The following DAB1 variants were observed in gnomAD, a reference collection of about 807,000 sequenced individuals.
DAB1 encodes DAB adaptor protein 1.
A neutral mutation model predicts 64.6 loss-of-function variants in DAB1; 15 were observed. That is an observed-to-expected ratio of 0.23 (90% CI 0.16 to 0.36). The LOEUF (loss-of-function observed/expected upper bound fraction) is 0.36, where lower values mean the gene tolerates loss of function less well. Among genes scored for constraint, DAB1 ranks in the 10% least tolerant of loss-of-function variants. The pLI, the probability that DAB1 is intolerant of heterozygous loss-of-function variation, is 1.00. For synonymous variants in DAB1, 235 were observed against 251.9 expected (o/e 0.93, Z 0.64); for missense variants, 596 against 706.7 (o/e 0.84, Z 1.78).
At chr1:57,519,389 C>T (rs946516552) in intron 7 of DAB1, among the ~76,000 whole-genome samples, 1 of 152,204 alleles carries the variant, frequency 6.6e-6, no homozygotes, top group African/African-American at 2.4e-5. Flanking sequence ...CACCACTGTG[C>T]TGCTGCTGCT....
chr1:58,412,289 G>T (rs1049974136), intron 3 of DAB1, among the ~76,000 whole-genome samples: 7 of 150,968 alleles, frequency 4.6e-5, no homozygotes, highest in Admixed American at 6.6e-5. Context: ...TCTCACCTGA[G>T]CTCCTGGATG....
At chr1:57,848,252 T>C (rs1481266160) in intron 1 of DAB1, among the ~76,000 whole-genome samples, 2 of 152,194 alleles carry the variant, frequency 1.3e-5, no homozygotes, top group African/African-American at 2.4e-5. Flanking sequence ...CCGAACACAA[T>C]GTAGTGAATC....
intron 7 of DAB1, among the ~76,000 whole-genome samples, chr1:57,450,097 C>A (rs562556615): frequency 6.6e-6 from 1 of 152,194 alleles, no homozygotes; most frequent in Non-Finnish European, 1.5e-5. Context: ...ACTGTTAAAG[C>A]TATTTATGCT....
intron 12 of DAB1, 38 bp from the exon 13 acceptor site, chr1:57,011,310 C>G: frequency 6.2e-7 from 1 of 1,602,428 alleles, no homozygotes; most frequent in Non-Finnish European, 8.5e-7. Flanking sequence ...ATCTTAAGTG[C>G]CTGGCTGCCA....
chr1:58,478,769 G>T (rs1000306030), intron 3 of DAB1, among the ~76,000 whole-genome samples: 2 of 152,072 alleles, frequency 1.3e-5, no homozygotes, highest in African/African-American at 4.8e-5. Flanking sequence ...AGAAAAGATC[G>T]GGTTGAGTTT....
At chr1:57,216,213 T>C (rs1666417812) in intron 2 of DAB1, among the ~76,000 whole-genome samples, 1 of 152,010 alleles carries the variant, frequency 6.6e-6, no homozygotes, top group Non-Finnish European at 1.5e-5. Flanking sequence ...CTTAGGAAGG[T>C]TACTTACCTT....
At chr1:57,102,121 T>C (rs1458986708) in intron 4 of DAB1, among the ~76,000 whole-genome samples, 1 of 152,210 alleles carries the variant, frequency 6.6e-6, no homozygotes, top group Non-Finnish European at 1.5e-5. Flanking sequence ...GTGCGGTCTT[T>C]GGAGTAATAG....
chr1:57,993,728 C>T (rs1461653824), intron 5 of DAB1, among the ~76,000 whole-genome samples: 1 of 151,830 alleles, frequency 6.6e-6, no homozygotes, highest in Non-Finnish European at 1.5e-5. Context: ...ATGCAAATGT[C>T]ACGTTTTAGA....
intron 2 of DAB1, among the ~76,000 whole-genome samples, chr1:57,233,527 G>A (rs1667860556): frequency 1.3e-5 from 2 of 151,922 alleles, no homozygotes; most frequent in Admixed American, 6.6e-5. Context: ...TTGGGAGCCC[G>A]AGGCAGGTGG....
chr1:58,176,371 C>T (rs1443079513), intron 4 of DAB1, among the ~76,000 whole-genome samples: 1 of 152,126 alleles, frequency 6.6e-6, no homozygotes, highest in African/African-American at 2.4e-5. Flanking sequence ...TCTTCAAATC[C>T]AATATGTAAA....
chr1:58,483,132 ACTGTGTAGCTCTTGCCACTAG>A (rs1645517382), intron 3 of DAB1, among the ~76,000 whole-genome samples: 1 of 152,214 alleles, frequency 6.6e-6, no homozygotes, highest in Admixed American at 6.5e-5. Context: ...CAGGGAGCTT[ACTGTGTAGCTCTTGCCACTAG>A]CCTGCCATCT....
At chr1:57,646,439 C>A (rs1024119996) in intron 7 of DAB1, among the ~76,000 whole-genome samples, 1 of 152,170 alleles carries the variant, frequency 6.6e-6, no homozygotes, top group African/African-American at 2.4e-5. Flanking sequence ...TCACTGAGTA[C>A]ATGCTGGTGC....
At chr1:57,729,437 A>G (rs1647317511) in intron 6 of DAB1, among the ~76,000 whole-genome samples, 1 of 152,222 alleles carries the variant, frequency 6.6e-6, no homozygotes, top group Admixed American at 6.5e-5. Flanking sequence ...GGGAGGAAGG[A>G]TAAGGAGGAC....
chr1:57,186,682 T>G (rs940264715), intron 2 of DAB1, among the ~76,000 whole-genome samples: 1 of 152,218 alleles, frequency 6.6e-6, no homozygotes. Flanking sequence ...AGAGGCATAT[T>G]ATTTGTAAAG....
chr1:58,173,040 A>G (rs377338125), intron 4 of DAB1, among the ~76,000 whole-genome samples: 1 of 152,336 alleles, frequency 6.6e-6, no homozygotes, highest in East Asian at 1.9e-4. Flanking sequence ...GTGAAGGAGA[A>G]AAGGCAGAAG....
At chr1:58,049,451 A>G (rs17116743) in intron 5 of DAB1, 12,144 of 310,032 alleles carry the variant, frequency 0.039, 319 homozygotes, top group Non-Finnish European at 0.045. Flanking sequence ...GAAAGGTTCT[A>G]TGGGGCCTTC....
intron 2 of DAB1, among the ~76,000 whole-genome samples, chr1:57,242,416 G>A (rs1458701551): frequency 3.9e-5 from 6 of 152,156 alleles, no homozygotes; most frequent in East Asian, 1.9e-4. Context: ...GAAGGGTCAC[G>A]GGGGAAGTAG....
chr1:58,150,756 G>A (rs1654881180), intron 4 of DAB1, among the ~76,000 whole-genome samples: 1 of 151,828 alleles, frequency 6.6e-6, no homozygotes, highest in South Asian at 2.1e-4. Flanking sequence ...TGTTACATAT[G>A]TATACATGTG....
intron 1 of DAB1, among the ~76,000 whole-genome samples, chr1:57,337,926 T>C (rs1677226521): frequency 6.9e-6 from 1 of 145,260 alleles, no homozygotes; most frequent in Middle Eastern, 3.5e-3. Flanking sequence ...TGCTTCCTCC[T>C]TTTTTCTCTC....
Sources: gnomAD v4.1 joint callset for allele counts (sites outside exome capture counted in the v4.1 genomes callset) on GRCh38, gnomAD v4.1.1 for gene constraint, MANE v1.5 for transcripts, NCBI Gene and HGNC (gene_info 2026-07-23, HGNC 2026-07-21) for gene names.